The following FARS2 variants were observed in gnomAD, a reference collection of about 807,000 sequenced individuals.
The protein encoded by FARS2 is phenylalanyl-tRNA synthetase 2, mitochondrial.
FARS2 carries 40 observed loss-of-function variants against 46.4 expected under a neutral mutation model. The ratio of observed to expected loss-of-function variants is 0.86; its 90% confidence interval spans 0.67 to 1.12. The LOEUF is 1.12. Ranked by LOEUF, FARS2 falls within the 50% of genes most tolerant of loss-of-function variation. The pLI is 0.00. For missense variants in FARS2, 513 were observed against 567.9 expected, an observed-to-expected ratio of 0.90 and a Z score of 0.98; for synonymous variants, 234 against 214.9, an observed-to-expected ratio of 1.09 and a Z score of -0.78.
chr6:5,609,439 C>T, intron 5 of FARS2: 1 of 1,205,260 alleles, frequency 8.3e-7, no homozygotes, highest in Admixed American at 1.7e-5. Flanking sequence ...AAATAGCTTC[C>T]ATCATTACCA....
chr6:5,726,915 A>G (rs750828322), intron 6 of FARS2, among the ~76,000 whole-genome samples: 12 of 152,184 alleles, frequency 7.9e-5, no homozygotes, highest in Admixed American at 6.5e-5. Context: ...GGGTAACTGG[A>G]CAGGGGCTGA....
chr6:5,600,034 T>C (rs1561742629), intron 5 of FARS2, among the ~76,000 whole-genome samples: 1 of 152,210 alleles, frequency 6.6e-6, no homozygotes. Context: ...ACACTGTAGC[T>C]CCATTTTCCA....
intron 6 of FARS2, among the ~76,000 whole-genome samples, chr6:5,640,535 A>G (rs1273884911): frequency 6.6e-6 from 1 of 152,154 alleles, no homozygotes; most frequent in East Asian, 1.9e-4. Context: ...AAAAAGAAAC[A>G]TTTTGTCTGA....
At chr6:5,373,272 C>T (rs1759170614) in intron 2 of FARS2, among the ~76,000 whole-genome samples, 1 of 152,066 alleles carries the variant, frequency 6.6e-6, no homozygotes. Flanking sequence ...CGTCATCTGT[C>T]TAGGAAAACA....
chr6:5,321,983 T>A (rs1770011818), intron 1 of FARS2, among the ~76,000 whole-genome samples: 1 of 152,248 alleles, frequency 6.6e-6, no homozygotes. Flanking sequence ...TAAAACCTTT[T>A]GTAGATGAGG....
chr6:5,437,709 A>T (rs1763605531), intron 4 of FARS2, among the ~76,000 whole-genome samples: 2 of 152,074 alleles, frequency 1.3e-5, no homozygotes, highest in African/African-American at 4.8e-5. Context: ...TTATAGTTAC[A>T]TATATTACAT....
intron 3 of FARS2, among the ~76,000 whole-genome samples, chr6:5,425,876 C>G (rs1019565715): frequency 1.3e-5 from 2 of 152,134 alleles, no homozygotes; most frequent in African/African-American, 4.8e-5. Context: ...CCTGGGCTCC[C>G]ACAGGGTCTT....
chr6:5,534,597 C>CT (rs915168477), intron 4 of FARS2, among the ~76,000 whole-genome samples: 1 of 152,086 alleles, frequency 6.6e-6, no homozygotes, highest in Non-Finnish European at 1.5e-5. Context: ...AACTTCATTC[C>CT]TTTTTAGGGC....
At chr6:5,278,073 A>G (rs938742056) in intron 1 of FARS2, among the ~76,000 whole-genome samples, 5 of 152,146 alleles carry the variant, frequency 3.3e-5, no homozygotes, top group African/African-American at 9.7e-5. Flanking sequence ...AAAGCAGCTG[A>G]CTGTTGACGT....
At chr6:5,577,011 A>G (rs1433055015) in intron 5 of FARS2, among the ~76,000 whole-genome samples, 1 of 152,138 alleles carries the variant, frequency 6.6e-6, no homozygotes, top group Non-Finnish European at 1.5e-5. Context: ...ATACACCTAT[A>G]TAAAAACCCA....
chr6:5,425,576 G>A (rs191853682), intron 3 of FARS2, among the ~76,000 whole-genome samples: 5 of 152,252 alleles, frequency 3.3e-5, no homozygotes, highest in Admixed American at 2.6e-4. Context: ...TGCAGAAGTC[G>A]GGAGGCTGGT....
rs1762722078 is a variant in FARS2, at chr6:5,765,798, G to C, written c.1218-5493G>C. Among the ~76,000 whole-genome samples the C allele has an allele frequency of 6.6e-6, 1 of 152,168 alleles. No homozygotes were observed. Reference sequence around the variant, plus strand: ...GCAGGCTGCTAACTCCCGGATGTGAGCTGGTTGAGGGCAGATACTGGGTCC... The same window carrying C: ...GCAGGCTGCTAACTCCCGGATGTGACCTGGTTGAGGGCAGATACTGGGTCC... On this transcript the variant is annotated intron_variant, in intron 6 of 6. Transcript: ENST00000274680. The surrounding 1 kb of genome is among the most constrained non-coding windows in gnomAD (Gnocchi z 4.0).
chr6:5,469,357 G>A (rs1207140640), intron 4 of FARS2, among the ~76,000 whole-genome samples: 8 of 152,174 alleles, frequency 5.3e-5, no homozygotes, highest in South Asian at 4.1e-4. Flanking sequence ...GCGGAGCCCC[G>A]CCCCACACTT....
chr6:5,556,418 A>G (rs996751235), intron 5 of FARS2, among the ~76,000 whole-genome samples: 14 of 151,960 alleles, frequency 9.2e-5, no homozygotes, highest in Non-Finnish European at 5.9e-5. Flanking sequence ...CCTGATTCTC[A>G]GTCCCTTGTA....
chr6:5,668,159 C>A lies in FARS2; in HGVS notation c.1217+54839C>A, dbSNP rs573987177. ...TTTAAATTTGAAAACAGATGAGAGGCTTTCTTCCCTCAAGGGATGATGTGG... is the reference window on the plus strand; with the variant it reads ...TTTAAATTTGAAAACAGATGAGAGGATTTCTTCCCTCAAGGGATGATGTGG... On this transcript the variant is annotated intron_variant, in intron 6 of 6. Coordinates refer to ENST00000274680, the MANE Select transcript of FARS2 (RefSeq NM_006567.5). The A allele has an allele frequency of 1.1e-4, 16 of 152,326 alleles. No homozygotes were observed. In the East Asian group the frequency reaches 1.2e-3, roughly 11 times the overall value. The allele number at this position is 152,326 out of a possible 1,614,324, so 9.4% of individuals were successfully genotyped here. A position where few individuals can be genotyped will look rare whatever the true frequency, so the allele number is the denominator to read the frequency against.
At chr6:5,273,493 C>T (rs1214566107) in intron 1 of FARS2, among the ~76,000 whole-genome samples, 1 of 143,932 alleles carries the variant, frequency 6.9e-6, no homozygotes, top group Admixed American at 7.2e-5. Flanking sequence ...AGATCTTTGG[C>T]CCAATTTTTA....
intron 6 of FARS2, among the ~76,000 whole-genome samples, chr6:5,716,290 GA>G (rs1030604958): frequency 6.6e-6 from 1 of 152,080 alleles, no homozygotes; most frequent in African/African-American, 2.4e-5. Context: ...ATACTTAAAA[GA>G]AAATTAATTG....
chr6:5,379,301 T>C (rs977575157), intron 2 of FARS2, among the ~76,000 whole-genome samples: 1 of 152,174 alleles, frequency 6.6e-6, no homozygotes, highest in Non-Finnish European at 1.5e-5. Context: ...TATCTGCTTG[T>C]CTAGTTGGGT....
intron 1 of FARS2, among the ~76,000 whole-genome samples, chr6:5,316,599 A>G (rs991946684): frequency 2.6e-5 from 4 of 152,088 alleles, no homozygotes; most frequent in African/African-American, 9.7e-5. Context: ...CAATCCCTAT[A>G]CTAGTGGGAA....
Sources: allele counts gnomAD v4.1 joint callset (sites outside exome capture counted in the v4.1 genomes callset), GRCh38; gene constraint gnomAD v4.1.1; non-coding constraint Gnocchi (gnomAD v3.1); transcripts MANE v1.5; gene names NCBI Gene and HGNC (gene_info 2026-07-23, HGNC 2026-07-21).